Variants in TCF12 observed in about 807,000 individuals in gnomAD.
TCF12 encodes the protein DNA-binding protein HTF4.
TCF12 carries 45 observed loss-of-function variants against 86.0 expected under a neutral mutation model. The ratio of observed to expected loss-of-function variants is 0.52; its 90% CI spans 0.41 to 0.67. The LOEUF (loss-of-function observed/expected upper bound fraction) is 0.67, where lower values mean the gene tolerates loss of function less well. TCF12 is among the 30% of genes least tolerant of loss of function. The pLI is 0.00. For missense variants in TCF12, 881 were observed against 859.9 expected (o/e 1.02, Z -0.31); for synonymous variants, 330 against 299.6 (o/e 1.10, Z -1.05).
intron 4 of TCF12, among the ~76,000 whole-genome samples, chr15:57,066,042 G>A (rs2068847688): frequency 6.6e-6 from 1 of 152,004 alleles, no homozygotes; most frequent in Non-Finnish European, 1.5e-5. Context: ...AAAAGGTTTG[G>A]TGAGATAGTT....
chr15:57,154,944 C>G (rs1457311594), intron 5 of TCF12, among the ~76,000 whole-genome samples: 2 of 152,166 alleles, frequency 1.3e-5, no homozygotes, highest in African/African-American at 4.8e-5. Flanking sequence ...TTAATTACCC[C>G]TTGTTTGTCA....
In TCF12 at chr15:57,122,213, G is replaced by A. The variant is rs182090296; in HGVS notation, c.325+30322G>A. Among the ~76,000 whole-genome samples the A allele has an allele frequency of 2.7e-4, 40 of 149,224 alleles. 1 individual carries two copies. Among genetic ancestry groups the A allele is most frequent in the Non-Finnish European group, 2.2e-4 (15 of 67,564 alleles). ...TTTTTTTCACATTTTTTTCACCATG[G>A]CACCTTTGAGGAAATAAAAATTTGC... On this transcript the variant is annotated intron_variant, in intron 5 of 20. Coordinates refer to ENST00000333725, the MANE Select transcript of TCF12 (RefSeq NM_207037.2).
chr15:57,022,750 G>T (rs895532744), intron 3 of TCF12, among the ~76,000 whole-genome samples: 9 of 152,140 alleles, frequency 5.9e-5, no homozygotes, highest in Admixed American at 5.9e-4. Flanking sequence ...ACTTTTTAAT[G>T]ATTACCATTC....
intron 19 of TCF12, among the ~76,000 whole-genome samples, chr15:57,280,584 G>A (rs1197585875): frequency 6.6e-6 from 1 of 152,116 alleles, no homozygotes; most frequent in Non-Finnish European, 1.5e-5. Flanking sequence ...CTACTTTAAA[G>A]GGGAATCCGG....
intron 5 of TCF12, among the ~76,000 whole-genome samples, chr15:57,162,024 C>T (rs1192504842): frequency 6.6e-6 from 1 of 152,122 alleles, no homozygotes; most frequent in African/African-American, 2.4e-5. Flanking sequence ...CACATGTGCA[C>T]ACACCGATAC....
chr15:57,202,883 A>G lies in TCF12; in HGVS notation c.579+5058A>G, dbSNP rs539824086. On this transcript the variant is annotated intron_variant, in intron 8 of 20. Coordinates refer to ENST00000333725, the MANE Select transcript of TCF12 (RefSeq NM_207037.2). ...ACCTACTATAAGTGTGGTGTATCCTAGATACTCAGTAAATGTTCCTTCATT... is the reference window on the plus strand; with the variant it reads ...ACCTACTATAAGTGTGGTGTATCCTGGATACTCAGTAAATGTTCCTTCATT... Among the ~76,000 whole-genome samples the G allele has an allele frequency of 2.6e-5, 4 of 152,310 alleles. No homozygotes were observed. The East Asian group carries it at 5.8e-4, about 22-fold the overall frequency.
intron 3 of TCF12, among the ~76,000 whole-genome samples, chr15:57,018,696 C>T (rs2065294660): frequency 6.6e-6 from 1 of 152,102 alleles, no homozygotes; most frequent in East Asian, 1.9e-4. Flanking sequence ...CTGCCTTGGC[C>T]TCCCAAAGGG....
At chr15:57,227,490 G>T (rs1292567378) in intron 8 of TCF12, among the ~76,000 whole-genome samples, 1 of 152,110 alleles carries the variant, frequency 6.6e-6, no homozygotes, top group East Asian at 1.9e-4. Flanking sequence ...GGATAATTAT[G>T]TAATCACTGT....
intron 16 of TCF12, among the ~76,000 whole-genome samples, chr15:57,255,637 C>T (rs183753913): frequency 1.3e-5 from 2 of 152,110 alleles, no homozygotes; most frequent in Non-Finnish European, 2.9e-5. Flanking sequence ...GCACCCGCCA[C>T]CACGTCCGGC....
At chr15:56,981,512 C>T (rs1417766695) in intron 3 of TCF12, among the ~76,000 whole-genome samples, 1 of 152,180 alleles carries the variant, frequency 6.6e-6, no homozygotes, top group Non-Finnish European at 1.5e-5. Flanking sequence ...GGCCTCACTT[C>T]TCAACACTGT....
intron 4 of TCF12, among the ~76,000 whole-genome samples, chr15:57,067,312 G>A (rs991028504): frequency 9.2e-5 from 14 of 151,962 alleles, no homozygotes; most frequent in Middle Eastern, 6.9e-3. Flanking sequence ...AGGCCGAGGC[G>A]GGCGGATCAC....
chr15:57,166,834 T>A (rs183441087), intron 6 of TCF12, among the ~76,000 whole-genome samples: 9 of 152,348 alleles, frequency 5.9e-5, no homozygotes, highest in Admixed American at 5.9e-4. Flanking sequence ...GTCAAACTGA[T>A]CATTAATATT....
chr15:56,942,031 T>A (rs1470066948), intron 3 of TCF12, among the ~76,000 whole-genome samples: 1 of 151,992 alleles, frequency 6.6e-6, no homozygotes. Flanking sequence ...CCTGGTAGAG[T>A]TGGTTTTGTT....
At chr15:57,011,828 C>A (rs1226994728) in intron 3 of TCF12, among the ~76,000 whole-genome samples, 1 of 152,090 alleles carries the variant, frequency 6.6e-6, no homozygotes, top group African/African-American at 2.4e-5. Flanking sequence ...GCAGACTTTC[C>A]ATCAATTTTT....
intron 16 of TCF12, among the ~76,000 whole-genome samples, chr15:57,255,383 T>A (rs754732374): frequency 6.6e-6 from 1 of 152,200 alleles, no homozygotes; most frequent in African/African-American, 2.4e-5. Context: ...CTAAAACTTA[T>A]AACTAAGAAA....
intron 3 of TCF12, among the ~76,000 whole-genome samples, chr15:56,978,788 C>T (rs2062744550): frequency 6.6e-6 from 1 of 152,092 alleles, no homozygotes; most frequent in Non-Finnish European, 1.5e-5. Flanking sequence ...TATTGCTGGC[C>T]TAAGTATTCA....
At chr15:57,218,091 C>T (rs187558105) in intron 8 of TCF12, among the ~76,000 whole-genome samples, 25 of 152,130 alleles carry the variant, frequency 1.6e-4, no homozygotes, top group African/African-American at 5.8e-4. Context: ...AGTTTCGTTA[C>T]TATAATTTGA....
At chr15:57,228,430 A>G (rs2058985077) in intron 8 of TCF12, among the ~76,000 whole-genome samples, 3 of 151,608 alleles carry the variant, frequency 2.0e-5, no homozygotes, top group South Asian at 4.1e-4. Flanking sequence ...TTTTTTTGCC[A>G]TTTTCATTTA....
intron 3 of TCF12, among the ~76,000 whole-genome samples, chr15:57,021,929 T>C (rs1249589604): frequency 6.6e-6 from 1 of 152,138 alleles, no homozygotes; most frequent in Non-Finnish European, 1.5e-5. Flanking sequence ...GACTGTATAC[T>C]GTATTTATTT....
Sources: gnomAD v4.1 joint callset for allele counts (sites outside exome capture counted in the v4.1 genomes callset) on GRCh38, gnomAD v4.1.1 for gene constraint, MANE v1.5 for transcripts, NCBI Gene and HGNC (gene_info 2026-07-23, HGNC 2026-07-21) for gene names.